MCC: variants seen among roughly 807,000 people sequenced by gnomAD.
The protein encoded by MCC is colorectal mutant cancer protein.
In MCC, 90 loss-of-function variants were observed where a neutral mutation model predicts 116.2. The ratio of observed to expected loss-of-function variants is 0.77; its 90% CI spans 0.65 to 0.92. The LOEUF is 0.92. MCC is among the 40% of genes least tolerant of loss of function. The pLI, the probability that MCC is intolerant of heterozygous loss-of-function variation, is 0.00. For missense variants in MCC, 1,516 were observed against 1,312.2 expected, an observed-to-expected ratio of 1.16 and a Z score of -2.40; for synonymous variants, 578 against 510.5, an observed-to-expected ratio of 1.13 and a Z score of -1.78.
chr5:113,364,863 G>A (rs974703088), intron 2 of MCC, among the ~76,000 whole-genome samples: 4 of 152,212 alleles, frequency 2.6e-5, no homozygotes, highest in Admixed American at 1.3e-4. Flanking sequence ...AGCCAAGTCT[G>A]GAGCTGGAGT....
At chr5:113,427,403 G>A (rs1377583608) in intron 1 of MCC, among the ~76,000 whole-genome samples, 1 of 152,190 alleles carries the variant, frequency 6.6e-6, no homozygotes, top group Non-Finnish European at 1.5e-5. Flanking sequence ...GAAACATACT[G>A]TTGACTTGTA....
At chr5:113,340,429 C>T (rs1445682349) in intron 3 of MCC, 90 bp downstream of exon 3, 8 of 1,063,640 alleles carry the variant, frequency 7.5e-6, no homozygotes, top group African/African-American at 1.6e-5. Context: ...AGACAATACC[C>T]GATATGTCCC....
At chr5:113,354,853 G>A (rs965193832) in intron 2 of MCC, among the ~76,000 whole-genome samples, 1 of 144,394 alleles carries the variant, frequency 6.9e-6, no homozygotes, top group African/African-American at 2.5e-5. Flanking sequence ...TTCTTGGCCT[G>A]TTAATGCAAG....
At chr5:113,340,458 A>G in intron 3 of MCC, 61 bp downstream of exon 3, 2 of 1,408,720 alleles carry the variant, frequency 1.4e-6, no homozygotes, top group Admixed American at 1.7e-5. Flanking sequence ...CAAAATTAAA[A>G]TATTTGTATT....
intron 3 of MCC, among the ~76,000 whole-genome samples, chr5:113,285,493 C>T (rs557740260): frequency 6.6e-6 from 1 of 152,232 alleles, no homozygotes; most frequent in South Asian, 2.1e-4. Context: ...TGGACCTCAT[C>T]TCCTTCCACT....
intron 2 of MCC, among the ~76,000 whole-genome samples, chr5:113,348,064 T>C (rs980495632): frequency 6.6e-6 from 1 of 152,036 alleles, no homozygotes; most frequent in African/African-American, 2.4e-5. Flanking sequence ...CACCCAGATA[T>C]ATAAATATTA....
rs778634474 is a variant in MCC at position 113,101,689 on chromosome 5, C to A, written c.1398+50G>T. On this transcript the variant is annotated intron_variant, in intron 8 of 18. Transcript: ENST00000408903. ...CCTGGTGCTATACACCAGCCTCTCTCAGCCCCATGCCCAGGAAGGGCCTGA... is the reference window on the plus strand; with the variant it reads ...CCTGGTGCTATACACCAGCCTCTCTAAGCCCCATGCCCAGGAAGGGCCTGA... The A allele has an allele frequency of 2.0e-5, 32 of 1,598,062 alleles. No homozygotes were observed. In the African/African-American group the frequency reaches 3.8e-4, roughly 19 times the overall value.
chr5:113,260,567 G>A (rs749354544), intron 3 of MCC, among the ~76,000 whole-genome samples: 1 of 152,094 alleles, frequency 6.6e-6, no homozygotes, highest in South Asian at 2.1e-4. Flanking sequence ...AACAAATGGT[G>A]CTTTTTAGTA....
intron 3 of MCC, among the ~76,000 whole-genome samples, chr5:113,201,197 C>T (rs1581244884): frequency 6.6e-6 from 1 of 152,076 alleles, no homozygotes; most frequent in East Asian, 1.9e-4. Flanking sequence ...ACCAGTCTGA[C>T]CAACACGGAG....
At chr5:113,321,456 G>A (rs896398134) in intron 3 of MCC, among the ~76,000 whole-genome samples, 4 of 152,142 alleles carry the variant, frequency 2.6e-5, no homozygotes, top group East Asian at 1.9e-4. Context: ...GTCAGAGCTC[G>A]GCCTTCTGGA....
In MCC at chr5:113,401,769, T is replaced by TATA. The variant is rs1561553096; in HGVS notation, c.171-16558_171-16557insTAT. Among the ~76,000 whole-genome samples the TATA allele has an allele frequency of 4.2e-4, 49 of 116,390 alleles. 1 individual carries two copies. Among genetic ancestry groups the TATA allele is most frequent in the Middle Eastern group, 8.8e-3 (2 of 228 alleles). 76.4% of individuals were successfully genotyped at this position (116,390 alleles called of 152,430 possible). ...TGCAAATTTCCCCAGGTTTTCTTAT[T>TATA]TATATATATATATATATATTCTCCT... On this transcript the variant is annotated intron_variant, in intron 1 of 18. Transcript: ENST00000408903.
chr5:113,350,532 A>T (rs114146868), intron 2 of MCC, among the ~76,000 whole-genome samples: 172 of 152,248 alleles, frequency 1.1e-3, no homozygotes, highest in African/African-American at 3.5e-3. Context: ...CATATACAAA[A>T]ATCAAAATAG....
intron 11 of MCC, among the ~76,000 whole-genome samples, chr5:113,074,676 T>C (rs531514628): frequency 6.6e-6 from 1 of 152,186 alleles, no homozygotes; most frequent in African/African-American, 2.4e-5. Flanking sequence ...GAATAAACAG[T>C]GTAGACAAGT....
At chr5:113,349,580 C>G (rs1043327482) in intron 2 of MCC, among the ~76,000 whole-genome samples, 2 of 152,008 alleles carry the variant, frequency 1.3e-5, no homozygotes, top group African/African-American at 4.8e-5. Flanking sequence ...AGACCCACAG[C>G]TAGTATCATA....
chr5:113,212,086 T>C (rs552270626), intron 3 of MCC, among the ~76,000 whole-genome samples: 17 of 152,330 alleles, frequency 1.1e-4, no homozygotes, highest in African/African-American at 3.8e-4. Flanking sequence ...CAAGGGCATT[T>C]TACTAAGGTC....
At chr5:113,461,606 G>A (rs764148895) in intron 1 of MCC, among the ~76,000 whole-genome samples, 33 of 152,060 alleles carry the variant, frequency 2.2e-4, no homozygotes, top group Non-Finnish European at 2.9e-4. Context: ...AGGAGTCTGA[G>A]ACTACAGTGA....
chr5:113,444,023 T>TG (rs1771132344), intron 1 of MCC, among the ~76,000 whole-genome samples: 6 of 102,408 alleles, frequency 5.9e-5, no homozygotes, highest in South Asian at 2.5e-4. Flanking sequence ...GTGTGTGTGT[T>TG]TAGTAGAGAT....
At chr5:113,298,382 T>C (rs752041848) in intron 3 of MCC, among the ~76,000 whole-genome samples, 25 of 152,198 alleles carry the variant, frequency 1.6e-4, no homozygotes, top group Non-Finnish European at 3.7e-4. Flanking sequence ...AAGACATTAC[T>C]GTCCTTCAAA....
intron 3 of MCC, among the ~76,000 whole-genome samples, chr5:113,307,728 A>G (rs1363141272): frequency 1.3e-5 from 2 of 152,188 alleles, no homozygotes; most frequent in African/African-American, 4.8e-5. Flanking sequence ...TGCTCTTGGC[A>G]GGGTGGAGGG....
Sources: gnomAD v4.1 joint callset for allele counts (sites outside exome capture counted in the v4.1 genomes callset) on GRCh38, gnomAD v4.1.1 for gene constraint, MANE v1.5 for transcripts, NCBI Gene and HGNC (gene_info 2026-07-23, HGNC 2026-07-21) for gene names.